Variants in COL18A1 observed in about 807,000 individuals in gnomAD.
The protein encoded by COL18A1 is collagen type XVIII alpha 1 chain, also known as collagen alpha-1(XVIII) chain.
In COL18A1, 133 loss-of-function variants were observed where a neutral mutation model predicts 168.0. The ratio of observed to expected loss-of-function variants is 0.79; its 90% CI spans 0.69 to 0.91. COL18A1 has a LOEUF of 0.91. COL18A1 is among the 40% of genes least tolerant of loss of function. The probability of loss-of-function intolerance (pLI) is 0.00; values close to 1 mark genes in which losing one functional copy is unlikely to be tolerated. For missense variants in COL18A1, 2,126 were observed against 1,925.4 expected (o/e 1.10, Z -1.95); for synonymous variants, 949 against 809.0 (o/e 1.17, Z -2.94).
At chr21:45,422,787 A>G (rs1024942504) in intron 2 of COL18A1, 1 of 210,962 alleles carries the variant, frequency 4.7e-6, no homozygotes, top group East Asian at 1.7e-4. Context: ...GGAAGGTCCA[A>G]GTGGCTTTTT....
In COL18A1 at chr21:45,494,579, G is replaced by A. The variant is rs771216968; in HGVS notation, c.2379+8G>A. On this transcript the variant is annotated splice_region_variant and intron_variant, in intron 27 of 41. Transcript: ENST00000651438. The stretch of plus-strand genomic sequence containing the variant: ...GGCTTCCGAGGACCCCCGGTAAGTC[G>A]GTCCCTGGCTTTCTCTGCACTGAGC... The A allele has an allele frequency of 2.7e-5, 43 of 1,612,944 alleles. No homozygotes were observed. In the East Asian group the frequency reaches 4.0e-4, roughly 15 times the overall value.
Position 45,487,476 on chromosome 21 carries a change from C to G in COL18A1, c.1863C>G (p.Phe621Leu). 1.2e-6 allele frequency: 2 copies of G among 1,613,188 alleles called. No homozygotes were observed. Among genetic ancestry groups the G allele is most frequent in the South Asian group, 1.1e-5 (1 of 91,082 alleles). The change falls in exon 17 of 42, where the codon TTC (phenylalanine) becomes TTG (leucine). Residue 621 changes from phenylalanine (F) to leucine (L), a missense_variant. By Grantham distance (22) the Phe-to-Leu change is conservative (BLOSUM62 0). Coordinates refer to ENST00000651438, the MANE Select transcript of COL18A1 (RefSeq NM_001379500.1). ...ACATGGAAGGCTCCGGGGGGCCCTT[C>G]TGGTCAACAGCCCGAAGCGCTGATG... ...FDDMEGSGGP[F>L]WSTARSADGP...
At position 45,476,408 on chromosome 21, in the gene COL18A1, G is replaced by T; in HGVS notation, c.856G>T (p.Ala286Ser). 6.2e-7 allele frequency: 1 copy of T among 1,614,192 alleles called. No homozygotes were observed. The highest frequency in any genetic ancestry group is 8.5e-7 in the Non-Finnish European group (1 of 1,180,038). The change falls in exon 6 of 42, where the codon GCT (alanine) becomes TCT (serine). Residue 286 changes from alanine to serine, a missense_variant. Ala to Ser is a moderately conservative substitution (Grantham distance 99). Transcript: ENST00000651438. ...APPPVTTPPL[A>S]GGSSTEDSRS... ...ACCCCCCGTCACCACGCCACCCTTG[G>T]CTGGAGGCAGCAGCACGGAAGATTC...
intron 3 of COL18A1, 58 bp downstream of exon 3, chr21:45,468,844 G>T: frequency 6.9e-7 from 1 of 1,443,464 alleles, no homozygotes; most frequent in South Asian, 1.3e-5. Flanking sequence ...GGTGGGGTGG[G>T]GGTGGCCACT....
At chr21:45,503,521 T>G (rs2036978983) in intron 32 of COL18A1, among the ~76,000 whole-genome samples, 1 of 151,236 alleles carries the variant, frequency 6.6e-6, no homozygotes, top group Admixed American at 6.6e-5. Flanking sequence ...TCATTCTCAG[T>G]AAACTATTGC....
rs190240812 is a variant in COL18A1 at position 45,439,633 on chromosome 21, C to A, written c.107-28609C>A. ...GGGCTCCAGACGTCCTGGGCCAAGT[C>A]CTGTGCGCGGGGCCTCCGGGTCTGC... is the stretch of plus-strand genomic sequence containing the variant. On this transcript the variant is annotated intron_variant, in intron 2 of 41. Transcript: ENST00000651438. Among the ~76,000 whole-genome samples, 302 of 152,322 alleles carry A rather than the reference C, an allele frequency of 2.0e-3. 1 individual carries two copies. Among genetic ancestry groups the A allele is most frequent in the African/African-American group, 7.0e-3 (291 of 41,562 alleles).
In COL18A1 at chr21:45,425,532, G is replaced by A. The variant is rs970569777; in HGVS notation, c.106+20059G>A. Among the ~76,000 whole-genome samples, 3 of 152,198 alleles carry A rather than the reference G, an allele frequency of 2.0e-5. No homozygotes were observed. The highest frequency in any genetic ancestry group is 4.4e-5 in the Non-Finnish European group (3 of 68,024). On this transcript the variant is annotated intron_variant, in intron 2 of 41. Transcript: ENST00000651438. The surrounding 1 kb of genome is among the most constrained non-coding windows in gnomAD (Gnocchi z 4.1). ...CAACCCCACTCACCCACACCCTCCT[G>A]CATGAACACTGCACAGCTACCTCCC...
intron 32 of COL18A1, among the ~76,000 whole-genome samples, chr21:45,503,535 A>G (rs2036979793): frequency 1.3e-5 from 2 of 151,314 alleles, no homozygotes; most frequent in South Asian, 4.2e-4. Context: ...CTATTGCAAG[A>G]ACAAAAAACC....
chr21:45,440,509 G>A (rs1454034594), intron 2 of COL18A1, among the ~76,000 whole-genome samples: 1 of 151,936 alleles, frequency 6.6e-6, no homozygotes, highest in Non-Finnish European at 1.5e-5. Context: ...CACGTTCCCC[G>A]GAAGCAGTCG....
intron 15 of COL18A1, among the ~76,000 whole-genome samples, chr21:45,484,754 AGTGT>A (rs773165715): frequency 6.6e-6 from 1 of 152,240 alleles, no homozygotes; most frequent in Non-Finnish European, 1.5e-5. Flanking sequence ...ATGTATTTGT[AGTGT>A]GTGTGCACAT....
chr21:45,502,007 C>T (rs1331302052), intron 32 of COL18A1, among the ~76,000 whole-genome samples: 1 of 83,220 alleles, frequency 1.2e-5, no homozygotes, highest in African/African-American at 5.4e-5. Flanking sequence ...GCTCCACAGC[C>T]GGTCACCTCC....
chr21:45,492,778 AGAG>A (rs1489529610), intron 24 of COL18A1, 65 bp downstream of exon 24: 2 of 1,237,100 alleles, frequency 1.6e-6, no homozygotes, highest in African/African-American at 3.0e-5. Flanking sequence ...CTGGTAGCAC[AGAG>A]CAGCCCGGTC....
chr21:45,482,473 GCTGTAAATGCCCCTCA>G (rs1324356111), intron 14 of COL18A1: 2 of 563,092 alleles, frequency 3.6e-6, no homozygotes, highest in African/African-American at 3.8e-5. Flanking sequence ...GGGGACGCGG[GCTGTAAATGCCCCTCA>G]CTGCTCTAAG....
At position 45,417,349 on chromosome 21, in the gene COL18A1, G is replaced by A. The variant is rs558121766; in HGVS notation, c.106+11876G>A. Among the ~76,000 whole-genome samples, 3 of 152,308 alleles carry A rather than the reference G, an allele frequency of 2.0e-5. No individual in the cohort carries two copies. The South Asian group carries it at 6.2e-4, about 32-fold the overall frequency. ...CTGGCGCTTGCTTCTCTGTGCTTGT[G>A]GGCTGTTCCACTGTAGTCTCTGGAT... On this transcript the variant is annotated intron_variant, in intron 2 of 41. Transcript: ENST00000651438.
intron 39 of COL18A1, 150 bp from the exon 40 acceptor site, chr21:45,509,913 TG>T (rs2037472597): frequency 7.8e-6 from 7 of 901,574 alleles, no homozygotes; most frequent in Middle Eastern, 3.4e-4. Context: ...GGCTGCTGCC[TG>T]GGCCCCTCAG....
chr21:45,470,496 T>C (rs1311071961), intron 3 of COL18A1, among the ~76,000 whole-genome samples: 1 of 148,496 alleles, frequency 6.7e-6, no homozygotes, highest in Non-Finnish European at 1.5e-5. Flanking sequence ...TTTTTTGTTT[T>C]TTTTTTTTTA....
intron 2 of COL18A1, among the ~76,000 whole-genome samples, chr21:45,439,326 C>T (rs111386863): frequency 1.3e-5 from 2 of 152,334 alleles, no homozygotes; most frequent in African/African-American, 2.4e-5. Flanking sequence ...GTTTCGGCTC[C>T]TCTGGTGCGT....
In COL18A1 at chr21:45,457,745, G is replaced by T. The variant is rs1041985687; in HGVS notation, c.107-10497G>T. On this transcript the variant is annotated intron_variant, in intron 2 of 41. Coordinates refer to ENST00000651438, the MANE Select transcript of COL18A1 (RefSeq NM_001379500.1). This position sits in a 1 kb window ranked among gnomAD's most constrained non-coding sequence, Gnocchi z 4.6. ...AGGCCCTATCCCCGCAGGGTGAGGT[G>T]CTCTGTCCTCCTCTGCTGTCCTCCC... Among the ~76,000 whole-genome samples, 4 of 152,200 alleles carry T rather than the reference G, an allele frequency of 2.6e-5. No homozygotes were observed. Among genetic ancestry groups the T allele is most frequent in the African/African-American group, 9.7e-5 (4 of 41,446 alleles).
intron 2 of COL18A1, chr21:45,455,627 T>G (rs779217825): frequency 6.2e-7 from 1 of 1,613,914 alleles, no homozygotes; most frequent in Non-Finnish European, 8.5e-7. Flanking sequence ...CTGGCTTTGG[T>G]TCAATAATGA....
Sources: gnomAD v4.1 joint callset for allele counts (sites outside exome capture counted in the v4.1 genomes callset) on GRCh38, gnomAD v4.1.1 for gene constraint, Gnocchi (gnomAD v3.1) non-coding constraint, MANE v1.5 for transcripts, NCBI Gene and HGNC (gene_info 2026-07-23, HGNC 2026-07-21) for gene names.